The following MCUR1 variants were observed in gnomAD, a reference collection of about 807,000 sequenced individuals.
The protein encoded by MCUR1 is mitochondrial calcium uniporter regulator 1.
MCUR1 carries 37 observed loss-of-function variants against 42.0 expected under a neutral mutation model. The ratio of observed to expected loss-of-function variants is 0.88; its 90% confidence interval spans 0.68 to 1.16. The LOEUF (loss-of-function observed/expected upper bound fraction) is 1.16. Ranked by LOEUF, MCUR1 falls within the 50% of genes most tolerant of loss-of-function variation. MCUR1 has a pLI of 0.00. For missense variants in MCUR1, 469 were observed against 468.4 expected, an observed-to-expected ratio of 1.00 and a Z score of -0.01; for synonymous variants, 229 against 196.2, an observed-to-expected ratio of 1.17 and a Z score of -1.40.
intron 1 of MCUR1, among the ~76,000 whole-genome samples, chr6:13,811,830 T>TA (rs752096412): frequency 2.8e-4 from 43 of 152,152 alleles, no homozygotes; most frequent in Admixed American, 1.2e-3. Flanking sequence ...ATCACATGAC[T>TA]ACTTTGTAAC....
intron 4 of MCUR1, 77 bp downstream of exon 4, chr6:13,801,211 T>C: frequency 2.1e-6 from 2 of 947,730 alleles, no homozygotes; most frequent in Middle Eastern, 3.2e-4. Flanking sequence ...ACTTAACGTG[T>C]GCTCTTTTAT....
In MCUR1 at chr6:13,789,157, C is replaced by T. The variant is rs1759668242; in HGVS notation, c.*1652G>A. ...GCGGCTCACGCCTGTAATCCCACTACTTTGGGAGACCAAGGCGGGTGAATC... is the reference window on the plus strand; with the variant it reads ...GCGGCTCACGCCTGTAATCCCACTATTTTGGGAGACCAAGGCGGGTGAATC... On this transcript the variant is annotated 3_prime_UTR_variant, in exon 9 of 9. Transcript: ENST00000379170. 1 of 152,276 alleles carries T rather than the reference C, an allele frequency of 6.6e-6. No homozygotes were observed. The highest frequency in any genetic ancestry group is 1.5e-5 in the Non-Finnish European group (1 of 68,080). 9.4% of individuals were successfully genotyped at this position (152,276 alleles called of 1,614,324 possible).
chr6:13,798,439 ATTAT>A (rs1257284314), intron 6 of MCUR1, among the ~76,000 whole-genome samples: 10 of 151,772 alleles, frequency 6.6e-5, no homozygotes, highest in Admixed American at 6.6e-4. Flanking sequence ...ATAATTTAAT[ATTAT>A]TTAATGTTAA....
At chr6:13,808,254 T>G (rs1382103241) in intron 1 of MCUR1, among the ~76,000 whole-genome samples, 2 of 152,284 alleles carry the variant, frequency 1.3e-5, no homozygotes, top group East Asian at 3.9e-4. Context: ...AAGAAATGTG[T>G]CTCTTTTCTT....
chr6:13,791,352 A>C (rs946492436), intron 8 of MCUR1, among the ~76,000 whole-genome samples: 2 of 152,228 alleles, frequency 1.3e-5, no homozygotes, highest in Non-Finnish European at 2.9e-5. Flanking sequence ...TATAAAGAAC[A>C]ACATTTCACT....
rs987942834 is a variant in MCUR1 at position 13,802,263 on chromosome 6, T to G, written c.619A>C (p.Met207Leu). 3 of 1,613,754 alleles carry G rather than the reference T, an allele frequency of 1.9e-6. No individual in the cohort carries two copies. The African/African-American group carries it at 4.0e-5, about 22-fold the overall frequency. The change falls in exon 3 of 9, where the codon ATG becomes CTG. Residue 207 changes from methionine to leucine, a missense_variant. Transcript: ENST00000379170. ...CTAACCTGCTGCATCTTGGTGACCA[T>G]ATCTTTGTAGACGATGTCCATGTTG... is the stretch of plus-strand genomic sequence containing the variant. ...EANMDIVYKD[M>L]VTKMQQEITF...
chr6:13,798,799 T>G lies in MCUR1; in HGVS notation c.855+34A>C, dbSNP rs765149010. On this transcript the variant is annotated intron_variant, in intron 6 of 8. Transcript: ENST00000379170. ...CAAGCATTCCATTCCAAAAATAAAT[T>G]AATTCATAATGTGTTTTTAGTAAAG... The G allele has an allele frequency of 1.4e-5, 21 of 1,540,302 alleles. No homozygotes were observed. The African/African-American group carries it at 2.7e-4, about 20-fold the overall frequency.
In MCUR1 at chr6:13,801,444, CT is replaced by C. The variant is rs1231972507; in HGVS notation, c.640-56del. ...TAGTCTACCCTAAAAAGTCCACTTC[CT>C]ATCATCTCAATGTGCTATCTTCTTA... On this transcript the variant is annotated intron_variant, in intron 3 of 8. Transcript: ENST00000379170. 2.4e-6 allele frequency: 3 copies of C among 1,229,156 alleles called. No individual in the cohort carries two copies. In the Admixed American group the frequency reaches 5.2e-5, roughly 21 times the overall value. 76.1% of individuals were successfully genotyped at this position (1,229,156 alleles called of 1,614,324 possible). A position where few individuals can be genotyped will look rare whatever the true frequency, so the allele number is the denominator to read the frequency against.
chr6:13,798,101 CT>C (rs965977335), intron 6 of MCUR1, among the ~76,000 whole-genome samples: 44 of 145,932 alleles, frequency 3.0e-4, no homozygotes, highest in Non-Finnish European at 2.7e-4. Flanking sequence ...TAGAAATTTT[CT>C]TTTTTTTTTT....
At chr6:13,811,057 C>T (rs1287910895) in intron 1 of MCUR1, among the ~76,000 whole-genome samples, 1 of 152,228 alleles carries the variant, frequency 6.6e-6, no homozygotes, top group Non-Finnish European at 1.5e-5. Context: ...TACCCTTCTT[C>T]ATTAAATTGC....
At chr6:13,809,171 G>A (rs1760175467) in intron 1 of MCUR1, among the ~76,000 whole-genome samples, 1 of 152,212 alleles carries the variant, frequency 6.6e-6, no homozygotes, top group African/African-American at 2.4e-5. Context: ...TGATAGGGAT[G>A]TGTTACATTT....
rs781018827 is a variant in MCUR1 at position 13,790,852 on chromosome 6, G to A, written c.1037C>T (p.Thr346Met). ...AAATCCCAGAGCTACTGTTAGGCACGTAAATATAGACCCTGTAAGAAAAAA... is the reference window on the plus strand; with the variant it reads ...AAATCCCAGAGCTACTGTTAGGCACATAAATATAGACCCTGTAAGAAAAAA... ...NIKYLAGSIFTCLTVALGFYR... is the reference protein window; with the variant it reads ...NIKYLAGSIFMCLTVALGFYR... Residue 346 changes from threonine to methionine, a missense_variant, in exon 9 of 9, where the codon ACG (threonine) becomes ATG (methionine). Coordinates refer to ENST00000379170, the MANE Select transcript of MCUR1 (RefSeq NM_001031713.4). 1.9e-5 allele frequency: 30 copies of A among 1,609,844 alleles called. No homozygotes were observed. Among genetic ancestry groups the A allele is most frequent in the East Asian group, 2.2e-5 (1 of 44,780 alleles).
chr6:13,802,220 C>T (rs757780896), intron 3 of MCUR1, 23 bp downstream of exon 3: 22 of 1,601,336 alleles, frequency 1.4e-5, no homozygotes, highest in Non-Finnish European at 1.7e-5. Context: ...TCCTAATTTG[C>T]TAAACCACCC....
rs551211247 is a variant in MCUR1 at position 13,790,708 on chromosome 6, C to A, written c.*101G>T. On this transcript the variant is annotated 3_prime_UTR_variant, in exon 9 of 9. Coordinates refer to ENST00000379170, the MANE Select transcript of MCUR1 (RefSeq NM_001031713.4). ...CCTCAGGTAATCCACCTGCCTCAGC[C>A]TCCCAAAGTGCTGGAATTACAGGTG... 784 of 836,390 alleles carry A rather than the reference C, an allele frequency of 9.4e-4. 3 individuals carry two copies. The highest frequency in any genetic ancestry group is 2.4e-3 in the Middle Eastern group (8 of 3,266). The allele number at this position is 836,390 out of a possible 1,614,324, so 51.8% of individuals were successfully genotyped here. A position where few individuals can be genotyped will look rare whatever the true frequency, so the allele number is the denominator to read the frequency against.
rs1389967490 is a variant in MCUR1, at chr6:13,790,250, T to C, written c.*559A>G. 1 of 152,348 alleles carries C rather than the reference T, an allele frequency of 6.6e-6. No homozygotes were observed. Among genetic ancestry groups the C allele is most frequent in the East Asian group, 1.9e-4 (1 of 5,206 alleles). The allele number at this position is 152,348 out of a possible 1,614,324, so 9.4% of individuals were successfully genotyped here. ...GCACCACAGATGAGACCAAGCTTCCTGGTCCGGCTAAGTGGAATCTTCCAT... is the reference window on the plus strand; with the variant it reads ...GCACCACAGATGAGACCAAGCTTCCCGGTCCGGCTAAGTGGAATCTTCCAT... On this transcript the variant is annotated 3_prime_UTR_variant, in exon 9 of 9. Coordinates refer to ENST00000379170, the MANE Select transcript of MCUR1 (RefSeq NM_001031713.4).
chr6:13,812,480 T>C (rs1460787466), intron 1 of MCUR1, among the ~76,000 whole-genome samples: 1 of 152,218 alleles, frequency 6.6e-6, no homozygotes, highest in Non-Finnish European at 1.5e-5. Flanking sequence ...TTTTGCCCTA[T>C]ACTCTTGCAT....
At chr6:13,795,482 T>C (rs1457269235) in intron 6 of MCUR1, among the ~76,000 whole-genome samples, 1 of 152,240 alleles carries the variant, frequency 6.6e-6, no homozygotes, top group Non-Finnish European at 1.5e-5. Flanking sequence ...ATAGTTAATT[T>C]GCAATTTAAT....
At chr6:13,803,735 T>G (rs1388138902) in intron 2 of MCUR1, 1 of 983,758 alleles carries the variant, frequency 1.0e-6, no homozygotes, top group Non-Finnish European at 1.2e-6. Context: ...CTCACCAAAA[T>G]GTTAACATTG....
Position 13,791,248 on chromosome 6 carries a change from A to G in MCUR1, c.1025-384T>C, listed in dbSNP as rs145009496. ...TAGGTCTCGCTGTGTTGCCTAGGCT[A>G]AGAAAACTTTTCAATAAAAGTTTCG... is the stretch of plus-strand genomic sequence containing the variant. On this transcript the variant is annotated intron_variant, in intron 8 of 8. Coordinates refer to ENST00000379170, the MANE Select transcript of MCUR1 (RefSeq NM_001031713.4). Among the ~76,000 whole-genome samples, 5 of 152,328 alleles carry G rather than the reference A, an allele frequency of 3.3e-5. No individual in the cohort carries two copies. The East Asian group carries it at 9.6e-4, about 29-fold the overall frequency.
Sources: allele counts gnomAD v4.1 joint callset (sites outside exome capture counted in the v4.1 genomes callset), GRCh38; gene constraint gnomAD v4.1.1; transcripts MANE v1.5; gene names NCBI Gene and HGNC (gene_info 2026-07-23, HGNC 2026-07-21).